The following MYT1L variants were observed in gnomAD, a reference collection of about 807,000 sequenced individuals.
MYT1L encodes the protein myelin transcription factor 1 like.
In MYT1L, 12 loss-of-function variants were observed where a neutral mutation model predicts 126.7. The ratio of observed to expected loss-of-function variants is 0.09; its 90% confidence interval spans 0.06 to 0.15. The LOEUF is 0.15. Among genes scored for constraint, MYT1L ranks in the 10% least tolerant of loss-of-function variants. The pLI, the probability that MYT1L is intolerant of heterozygous loss-of-function variation, is 1.00. For missense variants in MYT1L, 979 were observed against 1,585.2 expected (o/e 0.62, Z 6.49); for synonymous variants, 541 against 604.2 (o/e 0.90, Z 1.53).
intron 4 of MYT1L, among the ~76,000 whole-genome samples, chr2:2,045,484 C>T (rs1366189425): frequency 2.0e-5 from 3 of 152,216 alleles, no homozygotes; most frequent in African/African-American, 7.2e-5. Context: ...CAAAACCACC[C>T]ACCTGCTCAT....
At chr2:2,296,427 T>C (rs1014420833) in intron 1 of MYT1L, among the ~76,000 whole-genome samples, 2 of 152,222 alleles carry the variant, frequency 1.3e-5, no homozygotes, top group Non-Finnish European at 2.9e-5. Context: ...TGAGGGTTTT[T>C]CCTTTTATTC....
intron 9 of MYT1L, among the ~76,000 whole-genome samples, chr2:1,925,350 C>G (rs1229207281): frequency 6.6e-6 from 1 of 152,198 alleles, no homozygotes; most frequent in African/African-American, 2.4e-5. Flanking sequence ...GGGAACAGGT[C>G]CTGGTTCCCA....
At chr2:2,008,496 T>C (rs535934774) in intron 4 of MYT1L, among the ~76,000 whole-genome samples, 1 of 152,344 alleles carries the variant, frequency 6.6e-6, no homozygotes, top group East Asian at 1.9e-4. Context: ...TTGAAAAATG[T>C]CTGTTTACGG....
chr2:2,041,426 C>T (rs1005687558), intron 4 of MYT1L, among the ~76,000 whole-genome samples: 2 of 152,222 alleles, frequency 1.3e-5, no homozygotes, highest in African/African-American at 4.8e-5. Flanking sequence ...TCAGAGTAGC[C>T]GCCCAAGAGC....
chr2:1,839,442 G>A, intron 20 of MYT1L, 72 bp from the exon 21 acceptor site: 1 of 1,343,504 alleles, frequency 7.4e-7, no homozygotes, highest in Non-Finnish European at 1.0e-6. Context: ...AACAAAGTCA[G>A]AATAACCCGG....
chr2:1,820,070 GGGA>G (rs998780500), intron 21 of MYT1L, among the ~76,000 whole-genome samples: 3 of 152,112 alleles, frequency 2.0e-5, no homozygotes, highest in African/African-American at 7.2e-5. Context: ...AGGGGCCTGG[GGGA>G]GGAATGAGGG....
intron 18 of MYT1L, among the ~76,000 whole-genome samples, chr2:1,867,810 C>T (rs1489819462): frequency 1.3e-5 from 2 of 152,194 alleles, no homozygotes; most frequent in African/African-American, 4.8e-5. Context: ...ACCTTCATTA[C>T]ATTAGCTATT....
intron 9 of MYT1L, among the ~76,000 whole-genome samples, chr2:1,942,273 T>G (rs1050517642): frequency 2.6e-5 from 4 of 152,132 alleles, no homozygotes; most frequent in African/African-American, 9.7e-5. Context: ...GTGCGTCGGA[T>G]AGTAACAGAA....
intron 8 of MYT1L, among the ~76,000 whole-genome samples, chr2:1,966,362 C>T (rs1319104605): frequency 2.6e-5 from 4 of 152,272 alleles, no homozygotes; most frequent in East Asian, 1.9e-4. Context: ...AAGACAATTC[C>T]GGTTTTGAAT....
intron 3 of MYT1L, among the ~76,000 whole-genome samples, chr2:2,131,905 CTTTTTTTTT>C (rs58810405): frequency 1.8e-5 from 2 of 111,088 alleles, no homozygotes; most frequent in African/African-American, 7.3e-5. Flanking sequence ...AGAGTTCATC[CTTTTTTTTT>C]TTTTTTTTTT....
chr2:2,295,593 C>CAGAGAG lies in MYT1L; in HGVS notation c.-520-11096_-520-11091dup, dbSNP rs376553600. Among the ~76,000 whole-genome samples the CAGAGAG allele has an allele frequency of 4.0e-3, 83 of 20,822 alleles. 18 individuals carry two copies. The East Asian group carries it at 0.086, about 22-fold the overall frequency. 13.7% of individuals were successfully genotyped at this position (20,822 alleles called of 152,430 possible). On this transcript the variant is annotated intron_variant, in intron 1 of 24. Transcript: ENST00000647738. ...AGAGAGAGAGAGAGAGACAGACAGA[C>CAGAGAG]AGAGAGAGAGACAGACAGAGAGAGA...
intron 2 of MYT1L, among the ~76,000 whole-genome samples, chr2:2,269,229 C>G (rs2095208664): frequency 6.6e-6 from 1 of 152,182 alleles, no homozygotes; most frequent in Non-Finnish European, 1.5e-5. Flanking sequence ...ACTTACAATA[C>G]TTTTTGGAAA....
intron 14 of MYT1L, among the ~76,000 whole-genome samples, chr2:1,898,438 G>A (rs1244683643): frequency 4.6e-5 from 7 of 152,190 alleles, no homozygotes; most frequent in South Asian, 2.1e-4. Context: ...CAAGGCACAC[G>A]GTCTACTTGC....
intron 9 of MYT1L, among the ~76,000 whole-genome samples, chr2:1,932,521 C>G (rs565265016): frequency 6.6e-6 from 1 of 152,270 alleles, no homozygotes; most frequent in Admixed American, 6.5e-5. Flanking sequence ...AAACAGAATC[C>G]TTGTAGTCAT....
At chr2:2,041,262 C>T (rs187372736) in intron 4 of MYT1L, among the ~76,000 whole-genome samples, 2 of 152,228 alleles carry the variant, frequency 1.3e-5, no homozygotes, top group African/African-American at 2.4e-5. Context: ...ATTGTGAAAT[C>T]GCCACATTTG....
At chr2:2,181,302 C>T (rs745624878) in intron 2 of MYT1L, among the ~76,000 whole-genome samples, 1 of 152,042 alleles carries the variant, frequency 6.6e-6, no homozygotes, top group African/African-American at 2.4e-5. Context: ...GTGTGTGTAC[C>T]TATGTGTCTG....
At chr2:2,021,705 G>A (rs2065044363) in intron 4 of MYT1L, among the ~76,000 whole-genome samples, 1 of 152,160 alleles carries the variant, frequency 6.6e-6, no homozygotes, top group African/African-American at 2.4e-5. Flanking sequence ...AGACCATCCT[G>A]GCTAACACGG....
intron 18 of MYT1L, among the ~76,000 whole-genome samples, chr2:1,861,646 A>G (rs2044627854): frequency 1.3e-5 from 1 of 74,680 alleles, no homozygotes; most frequent in African/African-American, 4.7e-5. Flanking sequence ...GTAATCCTGG[A>G]TCTTCCTACA....
intron 3 of MYT1L, among the ~76,000 whole-genome samples, chr2:2,072,795 C>T (rs188222161): frequency 6.6e-6 from 1 of 152,296 alleles, no homozygotes; most frequent in African/African-American, 2.4e-5. Flanking sequence ...CTCTCTCCTG[C>T]TGCCCTGTGA....
Sources: gnomAD v4.1 joint callset for allele counts (sites outside exome capture counted in the v4.1 genomes callset) on GRCh38, gnomAD v4.1.1 for gene constraint, MANE v1.5 for transcripts, NCBI Gene and HGNC (gene_info 2026-07-23, HGNC 2026-07-21) for gene names.